Variants in DRICH1 observed in about 807,000 individuals in gnomAD.
DRICH1 encodes aspartate rich 1, also known as aspartate-rich protein 1.
In DRICH1, 38 loss-of-function variants were observed where a neutral mutation model predicts 39.5. That is an observed-to-expected ratio of 0.96 (90% CI 0.74 to 1.26). The LOEUF (loss-of-function observed/expected upper bound fraction) is 1.26. DRICH1 is among the 50% of genes most tolerant of loss of function. The pLI is 0.00. For missense variants in DRICH1, 279 were observed against 270.4 expected (o/e 1.03, Z -0.22); for synonymous variants, 84 against 99.5 (o/e 0.84, Z 0.93).
chr22:23,632,114 T>C lies in DRICH1; in HGVS notation c.-91A>G. The C allele has an allele frequency of 1.9e-6, 3 of 1,559,400 alleles. No individual in the cohort carries two copies. The highest frequency in any genetic ancestry group is 2.6e-6 in the Non-Finnish European group (3 of 1,151,278). On this transcript the variant is annotated 5_prime_UTR_variant, in exon 1 of 12. Coordinates refer to ENST00000317749, the MANE Select transcript of DRICH1 (RefSeq NM_016449.4). ...GCAGCCACACTACTGAGGGTGGCCC[T>C]GCACTTTTAGAAGCAGCCTGACCCC...
rs921613908 is a variant in DRICH1, at chr22:23,613,214, A to C, written c.685+75T>G. 1.1e-5 allele frequency: 12 copies of C among 1,116,252 alleles called. No homozygotes were observed. In the East Asian group the frequency reaches 2.3e-4, roughly 22 times the overall value. The allele number at this position is 1,116,252 out of a possible 1,614,324, so 69.1% of individuals were successfully genotyped here. On this transcript the variant is annotated intron_variant, in intron 11 of 11. Coordinates refer to ENST00000317749, the MANE Select transcript of DRICH1 (RefSeq NM_016449.4). The stretch of plus-strand genomic sequence containing the variant: ...ATACCCCCTCCTTCAGCCCCTCCTC[A>C]CAAGCAACAGGGATAACCTGGAGGC...
chr22:23,603,879 G>A (rs901025348), downstream of DRICH1, among the ~76,000 whole-genome samples: 3 of 152,142 alleles, frequency 2.0e-5, no homozygotes, highest in African/African-American at 4.8e-5. Flanking sequence ...ACGAAGCCAA[G>A]CCCTTGCTGC....
intron 1 of DRICH1, among the ~76,000 whole-genome samples, chr22:23,627,494 G>C (rs1928138361): frequency 6.6e-6 from 1 of 152,118 alleles, no homozygotes; most frequent in African/African-American, 2.4e-5. Context: ...CCCCTCCCCT[G>C]GTGTTTTCTT....
intron 7 of DRICH1, 118 bp downstream of exon 7, chr22:23,617,457 A>G: frequency 8.6e-7 from 1 of 1,165,382 alleles, no homozygotes; most frequent in Non-Finnish European, 1.3e-6. Context: ...CTCCTGGGAA[A>G]TCTCACTTTT....
downstream of DRICH1, among the ~76,000 whole-genome samples, chr22:23,607,845 C>T (rs776561144): frequency 3.3e-5 from 5 of 152,332 alleles, no homozygotes; most frequent in Non-Finnish European, 4.4e-5. Context: ...CTGTGTCATC[C>T]CCAAGGGGAG....
At chr22:23,604,799 G>C (rs1361771512), downstream of DRICH1, among the ~76,000 whole-genome samples, 1 of 152,238 alleles carries the variant, frequency 6.6e-6, no homozygotes, top group South Asian at 2.1e-4. Flanking sequence ...ACAGGGAAGA[G>C]CTGCAGTTGG....
At chr22:23,619,797 T>G (rs1927607645) in intron 5 of DRICH1, among the ~76,000 whole-genome samples, 1 of 151,838 alleles carries the variant, frequency 6.6e-6, no homozygotes, top group Admixed American at 6.5e-5. Context: ...TGAATTTTCA[T>G]TCTGTCCTCC....
At chr22:23,595,090 C>T in the DRICH1 span, among the ~76,000 whole-genome samples, 8 of 147,720 alleles carry the variant, frequency 5.4e-5, no homozygotes, top group East Asian at 2.0e-4. Flanking sequence ...TCCGTGTGCC[C>T]GGCCCTGTCC....
At chr22:23,632,554 C>T (rs919304776), upstream of DRICH1, among the ~76,000 whole-genome samples, 2 of 152,140 alleles carry the variant, frequency 1.3e-5, no homozygotes, top group African/African-American at 4.8e-5. Flanking sequence ...CTTTCCAGTC[C>T]TGAGCTAAGT....
intron 11 of DRICH1, among the ~76,000 whole-genome samples, chr22:23,611,424 T>C (rs1318305974): frequency 6.6e-6 from 1 of 151,088 alleles, no homozygotes; most frequent in Non-Finnish European, 1.5e-5. Context: ...GGAATCTCGT[T>C]CTATCACCCA....
chr22:23,587,669 C>T, the DRICH1 span, among the ~76,000 whole-genome samples: 1 of 152,204 alleles, frequency 6.6e-6, no homozygotes, highest in Non-Finnish European at 1.5e-5. Flanking sequence ...GGGACACATT[C>T]AGCAGAACCC....
intron 3 of DRICH1, 76 bp from the exon 4 acceptor site, chr22:23,622,252 T>C (rs767798204): frequency 2.7e-5 from 36 of 1,319,516 alleles, no homozygotes; most frequent in Middle Eastern, 1.8e-4. Flanking sequence ...TTGCTGGATG[T>C]GGTGTATGGA....
At chr22:23,613,023 G>C (rs1401655469) in intron 11 of DRICH1, among the ~76,000 whole-genome samples, 1 of 152,054 alleles carries the variant, frequency 6.6e-6, no homozygotes, top group Non-Finnish European at 1.5e-5. Flanking sequence ...CCAAACCAAA[G>C]GCTATGATGT....
the DRICH1 span, among the ~76,000 whole-genome samples, chr22:23,597,508 A>AAAAC: frequency 6.6e-6 from 1 of 151,232 alleles, no homozygotes; most frequent in African/African-American, 2.4e-5. Flanking sequence ...GTCTCAAAAA[A>AAAAC]AAAAAAAAAA....
chr22:23,616,191 A>AT (rs948045661), intron 8 of DRICH1, among the ~76,000 whole-genome samples: 14 of 152,314 alleles, frequency 9.2e-5, no homozygotes, highest in African/African-American at 2.4e-4. Flanking sequence ...CCACAGAAGA[A>AT]TTTTGTCTCC....
At position 23,631,761 on chromosome 22, in the gene DRICH1, G is replaced by A. The variant is rs936489388; in HGVS notation, c.208+55C>T. On this transcript the variant is annotated intron_variant, in intron 1 of 11. Coordinates refer to ENST00000317749, the MANE Select transcript of DRICH1 (RefSeq NM_016449.4). The stretch of plus-strand genomic sequence containing the variant: ...TCTGGGGATGAGGGTAAGGGAAGGG[G>A]GTGGGGGTGGCCAGAGGTGTGCCAG... 11 of 1,386,354 alleles carry A rather than the reference G, an allele frequency of 7.9e-6. No individual in the cohort carries two copies. The African/African-American group carries it at 1.3e-4, about 16-fold the overall frequency. The allele number at this position is 1,386,354 out of a possible 1,614,324, so 85.9% of individuals were successfully genotyped here.
rs148734630 is a variant in DRICH1, at chr22:23,624,251, T to A, written c.298+632A>T. The stretch of plus-strand genomic sequence containing the variant: ...TGAGTAACTGCTTGTGACAGAACTG[T>A]GTCCCAAACCACAGGCTCTGAGATT... On this transcript the variant is annotated intron_variant, in intron 3 of 11. Coordinates refer to ENST00000317749, the MANE Select transcript of DRICH1 (RefSeq NM_016449.4). 2.8e-5 allele frequency: 28 copies of A among 985,376 alleles called. No homozygotes were observed. The African/African-American group carries it at 4.7e-4, about 17-fold the overall frequency. 61.0% of individuals were successfully genotyped at this position (985,376 alleles called of 1,614,324 possible). A position where few individuals can be genotyped will look rare whatever the true frequency, so the allele number is the denominator to read the frequency against.
At chr22:23,588,643 C>G in the DRICH1 span, among the ~76,000 whole-genome samples, 1 of 152,184 alleles carries the variant, frequency 6.6e-6, no homozygotes, top group East Asian at 1.9e-4. Flanking sequence ...AGGTGCTGAC[C>G]CTGTACTCAC....
At chr22:23,623,173 GAGGCGGGC>G (rs1354850529) in intron 3 of DRICH1, among the ~76,000 whole-genome samples, 2 of 152,146 alleles carry the variant, frequency 1.3e-5, no homozygotes, top group African/African-American at 4.8e-5. Flanking sequence ...TTGGGAGGCT[GAGGCGGGC>G]AGATCACGAC....
Sources: allele counts gnomAD v4.1 joint callset (sites outside exome capture counted in the v4.1 genomes callset), GRCh38; gene constraint gnomAD v4.1.1; transcripts MANE v1.5; gene names NCBI Gene and HGNC (gene_info 2026-07-23, HGNC 2026-07-21).